KCMF1: variants seen among roughly 807,000 people sequenced by gnomAD.
KCMF1 encodes the protein potassium channel modulatory factor 1, also known as E3 ubiquitin-protein ligase KCMF1.
Under a neutral mutation model 41.1 loss-of-function variants are expected in KCMF1, and 3 were observed. That is an observed-to-expected ratio of 0.07 (90% CI 0.03 to 0.19). The LOEUF (loss-of-function observed/expected upper bound fraction) is 0.19. KCMF1 is among the 10% of genes least tolerant of loss of function. The pLI is 1.00. For synonymous variants in KCMF1, 142 were observed against 164.5 expected, an observed-to-expected ratio of 0.86 and a Z score of 1.04; for missense variants, 286 against 488.9, an observed-to-expected ratio of 0.58 and a Z score of 3.91.
intron 3 of KCMF1, among the ~76,000 whole-genome samples, chr2:85,036,999 C>A (rs933097878): frequency 6.0e-5 from 9 of 151,192 alleles, no homozygotes; most frequent in Middle Eastern, 3.4e-3. Flanking sequence ...CATGCCCCCC[C>A]ATCCCGCCCC....
At position 85,054,140 on chromosome 2, in the gene KCMF1, G is replaced by T. The variant is rs570947660; in HGVS notation, c.*731G>T. ...GCTACTGTTGGAATCTGCTGCAGGGGCCTTTGTGTGCCCTAAAAACAAATC... is the reference window on the plus strand; with the variant it reads ...GCTACTGTTGGAATCTGCTGCAGGGTCCTTTGTGTGCCCTAAAAACAAATC... On this transcript the variant is annotated 3_prime_UTR_variant, in exon 7 of 7. Coordinates refer to ENST00000409785, the MANE Select transcript of KCMF1 (RefSeq NM_020122.5). The T allele has an allele frequency of 2.4e-4, 37 of 152,242 alleles. No individual in the cohort carries two copies. The highest frequency in any genetic ancestry group is 8.4e-4 in the African/African-American group (35 of 41,536). The allele number at this position is 152,242 out of a possible 1,614,324, so 9.4% of individuals were successfully genotyped here. A position where few individuals can be genotyped will look rare whatever the true frequency, so the allele number is the denominator to read the frequency against.
At chr2:85,006,406 T>G (rs1674474794) in intron 1 of KCMF1, among the ~76,000 whole-genome samples, 1 of 145,810 alleles carries the variant, frequency 6.9e-6, no homozygotes, top group Non-Finnish European at 1.5e-5. Flanking sequence ...GTTCACGCCA[T>G]TCTCCTGCCT....
chr2:85,024,633 A>G (rs944749625), intron 1 of KCMF1, among the ~76,000 whole-genome samples: 2 of 151,756 alleles, frequency 1.3e-5, no homozygotes, highest in African/African-American at 4.8e-5. Context: ...AAAGAGAAAG[A>G]TTTAAGAAAT....
At chr2:84,986,557 G>A (rs1406495847) in intron 1 of KCMF1, among the ~76,000 whole-genome samples, 2 of 152,058 alleles carry the variant, frequency 1.3e-5, no homozygotes, top group East Asian at 1.9e-4. Context: ...GAAGACTCCC[G>A]TATGTTAGCA....
In KCMF1 at chr2:84,983,901, C is replaced by G. The variant is rs371297313; in HGVS notation, c.16+12434C>G. ...CCTCAAGCAATCCTACCTTGGTCTC[C>G]TACAGTGCTGGGATTACAGGAGTGA... On this transcript the variant is annotated intron_variant, in intron 1 of 6. Transcript: ENST00000409785. Among the ~76,000 whole-genome samples the G allele has an allele frequency of 2.6e-5, 4 of 152,176 alleles. No individual in the cohort carries two copies. In the East Asian group the frequency reaches 7.7e-4, roughly 29 times the overall value.
In KCMF1 at chr2:85,054,714, G is replaced by A. The variant is rs1675888117; in HGVS notation, c.*1305G>A. The A allele has an allele frequency of 6.6e-6, 1 of 152,088 alleles. No homozygotes were observed. 9.4% of individuals were successfully genotyped at this position (152,088 alleles called of 1,614,324 possible). On this transcript the variant is annotated 3_prime_UTR_variant, in exon 7 of 7. Coordinates refer to ENST00000409785, the MANE Select transcript of KCMF1 (RefSeq NM_020122.5). ...GGCAGTTTTTGGAATGTAAATTTAGGACTTTTAAAAAGGTGCGCACAGCTT... is the reference window on the plus strand; with the variant it reads ...GGCAGTTTTTGGAATGTAAATTTAGAACTTTTAAAAAGGTGCGCACAGCTT...
rs546940355 is a variant in KCMF1 at position 84,998,592 on chromosome 2, T to TTTAC, written c.16+27145_16+27148dup. Reference sequence around the variant, plus strand: ...CCTTATTTATTTATTTATTTATTTATTTACTTACTTACTTACTTACTTATT... The same window carrying TTTAC: ...CCTTATTTATTTATTTATTTATTTATTTACTTACTTACTTACTTACTTACTTATT... On this transcript the variant is annotated intron_variant, in intron 1 of 6. Transcript: ENST00000409785. 3.5e-3 allele frequency among the ~76,000 whole-genome samples: 523 copies of TTTAC among 151,386 alleles called. 1 individual carries two copies. The highest frequency in any genetic ancestry group is 0.012 in the South Asian group (56 of 4,758).
At chr2:84,991,938 A>G (rs570420207) in intron 1 of KCMF1, among the ~76,000 whole-genome samples, 3 of 152,338 alleles carry the variant, frequency 2.0e-5, no homozygotes, top group Non-Finnish European at 4.4e-5. Flanking sequence ...CCAAAACTGC[A>G]GGCTCAGAGA....
intron 1 of KCMF1, among the ~76,000 whole-genome samples, chr2:85,008,388 TG>T (rs1674562864): frequency 7.5e-6 from 1 of 133,604 alleles, no homozygotes; most frequent in Admixed American, 8.3e-5. Flanking sequence ...ATATTATATA[TG>T]ATATATATTA....
chr2:85,006,173 C>T (rs965300112), intron 1 of KCMF1, among the ~76,000 whole-genome samples: 3 of 151,668 alleles, frequency 2.0e-5, no homozygotes, highest in Non-Finnish European at 4.4e-5. Flanking sequence ...AACCTTTTGC[C>T]AATATTAAAG....
chr2:85,053,090 C>A, intron 6 of KCMF1, 58 bp from the exon 7 acceptor site: 1 of 1,479,644 alleles, frequency 6.8e-7, no homozygotes, highest in Non-Finnish European at 9.1e-7. Flanking sequence ...TAGAAATTGG[C>A]CATGCCATTG....
chr2:85,047,966 AAG>A (rs978927871), intron 5 of KCMF1, among the ~76,000 whole-genome samples: 3 of 152,138 alleles, frequency 2.0e-5, no homozygotes, highest in South Asian at 2.1e-4. Flanking sequence ...GGAGGGTAGC[AAG>A]AGAGAGAGGA....
intron 1 of KCMF1, 35 bp downstream of exon 1, chr2:84,971,502 G>T: frequency 3.4e-6 from 4 of 1,186,408 alleles, no homozygotes; most frequent in Non-Finnish European, 3.2e-6. Flanking sequence ...CGCACCTCCC[G>T]GGCCTCGGCC....
intron 1 of KCMF1, among the ~76,000 whole-genome samples, chr2:85,004,641 AG>A (rs1178520710): frequency 1.1e-4 from 17 of 151,936 alleles, no homozygotes; most frequent in Non-Finnish European, 2.4e-4. Context: ...AATTTTTTGG[AG>A]GGGGGCAGGT....
intron 1 of KCMF1, among the ~76,000 whole-genome samples, chr2:85,017,306 G>T (rs1004810896): frequency 3.3e-5 from 5 of 152,102 alleles, no homozygotes; most frequent in Non-Finnish European, 7.4e-5. Context: ...GATTACAGGC[G>T]TGAGCCACCG....
At chr2:85,022,587 GTTTGTT>G (rs960558426) in intron 1 of KCMF1, among the ~76,000 whole-genome samples, 2 of 151,966 alleles carry the variant, frequency 1.3e-5, no homozygotes, top group African/African-American at 4.8e-5. Context: ...TTTTTTGTTT[GTTTGTT>G]TTTGTTTAGA....
intron 1 of KCMF1, among the ~76,000 whole-genome samples, chr2:84,994,279 C>T (rs1421437829): frequency 6.6e-6 from 1 of 151,740 alleles, no homozygotes; most frequent in Admixed American, 6.6e-5. Flanking sequence ...AATTTCAGAC[C>T]TGCATATCCT....
chr2:85,006,295 C>CTTTTTTTTTT (rs1163405427), intron 1 of KCMF1, among the ~76,000 whole-genome samples: 27 of 94,216 alleles, frequency 2.9e-4, no homozygotes, highest in East Asian at 1.8e-3. Flanking sequence ...TTCTCATTTT[C>CTTTTTTTTTT]TTTTTTTTTT....
intron 2 of KCMF1, among the ~76,000 whole-genome samples, chr2:85,034,096 G>A (rs947886908): frequency 1.3e-5 from 2 of 152,176 alleles, no homozygotes; most frequent in East Asian, 3.9e-4. Context: ...GTTGGAGGCT[G>A]AGGCAGGAGG....
Sources: gnomAD v4.1 joint callset for allele counts (sites outside exome capture counted in the v4.1 genomes callset) on GRCh38, gnomAD v4.1.1 for gene constraint, MANE v1.5 for transcripts, NCBI Gene and HGNC (gene_info 2026-07-23, HGNC 2026-07-21) for gene names.